Variants in ZFHX3 observed in about 807,000 individuals in gnomAD.
The protein encoded by ZFHX3 is zinc finger homeobox protein 3.
ZFHX3 carries 42 observed loss-of-function variants against 279.1 expected under a neutral mutation model. That is an observed-to-expected ratio of 0.15 (90% CI 0.12 to 0.19). The LOEUF is 0.19. ZFHX3 is among the 10% of genes least tolerant of loss of function. The pLI, the probability that ZFHX3 is intolerant of heterozygous loss-of-function variation, is 1.00. For missense variants in ZFHX3, 4,981 were observed against 4,754.0 expected (o/e 1.05, Z -1.40); for synonymous variants, 2,293 against 1,957.8 (o/e 1.17, Z -4.52).
At chr16:72,881,816 G>C (rs2038481353) in intron 4 of ZFHX3, among the ~76,000 whole-genome samples, 2 of 152,138 alleles carry the variant, frequency 1.3e-5, no homozygotes, top group Non-Finnish European at 2.9e-5. Context: ...CCCAAATCCA[G>C]GGACAGCACC....
At chr16:73,764,779 A>G (rs2053910946) in intron 1 of ZFHX3, among the ~76,000 whole-genome samples, 1 of 152,186 alleles carries the variant, frequency 6.6e-6, no homozygotes, top group Admixed American at 6.5e-5. Flanking sequence ...CAAACCAGTG[A>G]CTTGAGGTCC....
At position 73,027,774 on chromosome 16, in the gene ZFHX3, C is replaced by T. The variant is rs1335024374; in HGVS notation, c.-50+19978G>A. Among the ~76,000 whole-genome samples the T allele has an allele frequency of 2.6e-5, 4 of 152,136 alleles. No homozygotes were observed. The East Asian group carries it at 5.8e-4, about 22-fold the overall frequency. ...ATCTGATAAATGGCTGTGCAGAAAGCAGGTTCCCTCACTTTGAGATATGAT... is the reference window on the plus strand; with the variant it reads ...ATCTGATAAATGGCTGTGCAGAAAGTAGGTTCCCTCACTTTGAGATATGAT... On this transcript the variant is annotated intron_variant, in intron 1 of 9. Coordinates refer to ENST00000268489, the MANE Select transcript of ZFHX3 (RefSeq NM_006885.4).
At chr16:73,865,344 C>T (rs1481066003) in intron 1 of ZFHX3, among the ~76,000 whole-genome samples, 2 of 152,066 alleles carry the variant, frequency 1.3e-5, no homozygotes, top group African/African-American at 4.8e-5. Context: ...ATGTTAAGGC[C>T]CCCAAGACAG....
At chr16:73,356,126 A>G (rs557411736) in intron 3 of ZFHX3, among the ~76,000 whole-genome samples, 140 of 152,292 alleles carry the variant, frequency 9.2e-4, no homozygotes, top group African/African-American at 3.2e-3. Context: ...CAAGAAACCA[A>G]CCAGGTTTTC....
intron 8 of ZFHX3, among the ~76,000 whole-genome samples, chr16:73,087,990 G>A (rs1966028560): frequency 6.6e-6 from 1 of 151,964 alleles, no homozygotes; most frequent in South Asian, 2.1e-4. Flanking sequence ...CACCACGCCT[G>A]GCTGATTTTG....
At chr16:72,970,359 T>G (rs994036032) in intron 1 of ZFHX3, among the ~76,000 whole-genome samples, 2 of 152,134 alleles carry the variant, frequency 1.3e-5, no homozygotes, top group African/African-American at 4.8e-5. Flanking sequence ...TGGGGCAATT[T>G]AAACAGCTAT....
At chr16:73,508,250 T>C (rs930123167) in intron 2 of ZFHX3, among the ~76,000 whole-genome samples, 3 of 152,196 alleles carry the variant, frequency 2.0e-5, no homozygotes, top group Non-Finnish European at 4.4e-5. Context: ...TTGGGGTAAT[T>C]AACTTGCTTC....
chr16:73,722,808 T>C (rs555528181), intron 1 of ZFHX3, among the ~76,000 whole-genome samples: 2 of 152,316 alleles, frequency 1.3e-5, no homozygotes, highest in African/African-American at 4.8e-5. Context: ...AGGGTACAGT[T>C]TATAATTTTT....
intron 7 of ZFHX3, among the ~76,000 whole-genome samples, chr16:73,125,654 G>T (rs1157680613): frequency 1.3e-5 from 2 of 152,070 alleles, no homozygotes; most frequent in Non-Finnish European, 2.9e-5. Flanking sequence ...GATGCTTCCT[G>T]CCTTCGAACA....
chr16:73,140,536 C>G (rs1328449619), intron 6 of ZFHX3, among the ~76,000 whole-genome samples: 1 of 152,146 alleles, frequency 6.6e-6, no homozygotes, highest in Non-Finnish European at 1.5e-5. Flanking sequence ...GTTAACCTGA[C>G]TAGGTCTCAA....
At chr16:73,711,393 A>G (rs2053361463) in intron 1 of ZFHX3, among the ~76,000 whole-genome samples, 1 of 152,260 alleles carries the variant, frequency 6.6e-6, no homozygotes. Flanking sequence ...TTTATGAGAT[A>G]AAACTTAACA....
chr16:73,715,066 A>G (rs907753606), intron 1 of ZFHX3, among the ~76,000 whole-genome samples: 2 of 152,112 alleles, frequency 1.3e-5, no homozygotes, highest in African/African-American at 4.8e-5. Flanking sequence ...TTGAGCATAT[A>G]GCATCTGCTC....
intron 3 of ZFHX3, among the ~76,000 whole-genome samples, chr16:73,383,801 C>T (rs1003942021): frequency 6.6e-6 from 1 of 152,186 alleles, no homozygotes; most frequent in Non-Finnish European, 1.5e-5. Context: ...GGGAGATGGG[C>T]ACAATGGACC....
At chr16:73,661,307 G>C (rs1432107748) in intron 2 of ZFHX3, among the ~76,000 whole-genome samples, 1 of 152,128 alleles carries the variant, frequency 6.6e-6, no homozygotes, top group Non-Finnish European at 1.5e-5. Context: ...AAAACAGAAA[G>C]AAAATACAGT....
intron 2 of ZFHX3, among the ~76,000 whole-genome samples, chr16:73,486,343 C>A (rs979080138): frequency 6.6e-6 from 1 of 152,248 alleles, no homozygotes; most frequent in African/African-American, 2.4e-5. Context: ...TAATGGGGCT[C>A]TTGAGCCCCT....
chr16:72,826,873 C>T (rs565503346), intron 5 of ZFHX3, among the ~76,000 whole-genome samples: 1 of 152,234 alleles, frequency 6.6e-6, no homozygotes, highest in South Asian at 2.1e-4. Flanking sequence ...GCTCATTTTA[C>T]GTCTTTTAGT....
rs113148342 is a variant in ZFHX3, at chr16:73,298,500, G to GT, written c.-1194+19739dup. On this transcript the variant is annotated intron_variant, in intron 4 of 17. Transcript: ENST00000641206. Reference sequence around the variant, plus strand: ...CGCCCAACCTATTTATGTTGTCGTCGTTTTTTTTTTTTTTTTCACTTCTTT... The same window carrying GT: ...CGCCCAACCTATTTATGTTGTCGTCGTTTTTTTTTTTTTTTTTCACTTCTTT... Among the ~76,000 whole-genome samples, 299 of 133,890 alleles carry GT rather than the reference G, an allele frequency of 2.2e-3. 2 individuals are homozygous for GT. The highest frequency in any genetic ancestry group is 3.8e-3 in the Middle Eastern group (1 of 262). 87.8% of individuals were successfully genotyped at this position (133,890 alleles called of 152,430 possible). A position where few individuals can be genotyped will look rare whatever the true frequency, so the allele number is the denominator to read the frequency against.
rs189407167 is a variant in ZFHX3 at position 73,618,455 on chromosome 16, A to C, written c.-1547+61725T>G. ...AGGATTATTGTCATTCTCTATCTGC[A>C]GATGAGGACACTGAAGCTTAGAAAA... is the stretch of plus-strand genomic sequence containing the variant. On this transcript the variant is annotated intron_variant, in intron 2 of 17. Coordinates refer to the ZFHX3 transcript ENST00000641206. Among the ~76,000 whole-genome samples, 22 of 152,368 alleles carry C rather than the reference A, an allele frequency of 1.4e-4. No homozygotes were observed. In the East Asian group the frequency reaches 3.7e-3, roughly 25 times the overall value.
At chr16:73,567,097 C>T (rs1394756267) in intron 2 of ZFHX3, among the ~76,000 whole-genome samples, 1 of 152,214 alleles carries the variant, frequency 6.6e-6, no homozygotes, top group African/African-American at 2.4e-5. Flanking sequence ...GATCCTCCCA[C>T]CTCAGCCTCC....
Sources: gnomAD v4.1 joint callset for allele counts (sites outside exome capture counted in the v4.1 genomes callset) on GRCh38, gnomAD v4.1.1 for gene constraint, MANE v1.5 for transcripts, NCBI Gene and HGNC (gene_info 2026-07-23, HGNC 2026-07-21) for gene names.